Variants in IGSF21 observed in about 807,000 individuals in gnomAD.
The protein encoded by IGSF21 is immunoglobin superfamily member 21.
A neutral mutation model predicts 46.8 loss-of-function variants in IGSF21; 28 were observed. The ratio of observed to expected loss-of-function variants is 0.60; its 90% CI spans 0.44 to 0.82. The LOEUF is 0.82. Ranked by LOEUF, IGSF21 falls within the 40% of genes least tolerant of loss-of-function variation. The pLI, the probability that IGSF21 is intolerant of heterozygous loss-of-function variation, is 0.00. For synonymous variants in IGSF21, 284 were observed against 273.6 expected (o/e 1.04, Z -0.38); for missense variants, 624 against 665.5 (o/e 0.94, Z 0.69).
chr1:18,299,965 C>T (rs1389386791), intron 3 of IGSF21, among the ~76,000 whole-genome samples: 1 of 152,136 alleles, frequency 6.6e-6, no homozygotes, highest in Non-Finnish European at 1.5e-5. Flanking sequence ...GTGGCTCATG[C>T]CTGTAATCTA....
chr1:18,195,389 A>C (rs976712963), intron 1 of IGSF21, among the ~76,000 whole-genome samples: 1 of 152,148 alleles, frequency 6.6e-6, no homozygotes, highest in African/African-American at 2.4e-5. Context: ...AGGCATGGAG[A>C]CAGGTCAGTT....
intron 4 of IGSF21, among the ~76,000 whole-genome samples, chr1:18,357,887 G>A (rs2086037954): frequency 6.6e-6 from 1 of 152,156 alleles, no homozygotes; most frequent in Admixed American, 6.5e-5. Flanking sequence ...TAACAGCTCT[G>A]CTATGTCATC....
intron 2 of IGSF21, among the ~76,000 whole-genome samples, chr1:18,258,154 A>G (rs1163356380): frequency 6.6e-6 from 1 of 152,110 alleles, no homozygotes; most frequent in Non-Finnish European, 1.5e-5. Flanking sequence ...AAGGTGACCC[A>G]CCAAGGATAC....
chr1:18,195,128 G>A (rs2086994724), intron 1 of IGSF21, among the ~76,000 whole-genome samples: 1 of 152,180 alleles, frequency 6.6e-6, no homozygotes, highest in African/African-American at 2.4e-5. Flanking sequence ...TGAGATTTGG[G>A]TAGGGACACA....
At chr1:18,354,810 G>A (rs1303234011) in intron 4 of IGSF21, among the ~76,000 whole-genome samples, 1 of 152,214 alleles carries the variant, frequency 6.6e-6, no homozygotes, top group Non-Finnish European at 1.5e-5. Flanking sequence ...CAAGAGAGGG[G>A]CGTGGGCCAT....
intron 1 of IGSF21, among the ~76,000 whole-genome samples, chr1:18,134,461 C>T (rs1250670777): frequency 1.3e-5 from 2 of 152,192 alleles, no homozygotes; most frequent in African/African-American, 2.4e-5. Context: ...GATGCCAGCT[C>T]ATCTCCCTGG....
chr1:18,331,384 T>G (rs1281054267), intron 3 of IGSF21, among the ~76,000 whole-genome samples: 2 of 152,216 alleles, frequency 1.3e-5, no homozygotes, highest in East Asian at 3.9e-4. Context: ...TTGAGTTACT[T>G]CCCTTAGAAT....
chr1:18,122,698 A>G (rs2124409145), intron 1 of IGSF21, among the ~76,000 whole-genome samples: 1 of 146,642 alleles, frequency 6.8e-6, no homozygotes, highest in Non-Finnish European at 1.5e-5. Flanking sequence ...TCGGCTCACT[A>G]CAACCTCTGC....
chr1:18,193,610 T>C (rs1282930843), intron 1 of IGSF21, among the ~76,000 whole-genome samples: 1 of 152,168 alleles, frequency 6.6e-6, no homozygotes, highest in Non-Finnish European at 1.5e-5. Context: ...TTTTTCTGCC[T>C]GTTTTATATT....
Position 18,155,870 on chromosome 1 carries a change from C to T in IGSF21, c.70+47672C>T, listed in dbSNP as rs377544928. Among the ~76,000 whole-genome samples the T allele has an allele frequency of 1.2e-4, 19 of 152,318 alleles. No individual in the cohort carries two copies. The East Asian group carries it at 2.7e-3, about 22-fold the overall frequency. On this transcript the variant is annotated intron_variant, in intron 1 of 9. Coordinates refer to ENST00000251296, the MANE Select transcript of IGSF21 (RefSeq NM_032880.5). ...GCTCCCATCCCTGCGGGATCAAGAACGGGAAGCTAAGAAGTGTGGTCGGTC... is the reference window on the plus strand; with the variant it reads ...GCTCCCATCCCTGCGGGATCAAGAATGGGAAGCTAAGAAGTGTGGTCGGTC...
chr1:18,231,636 T>C (rs2084626583), intron 2 of IGSF21, among the ~76,000 whole-genome samples: 1 of 152,228 alleles, frequency 6.6e-6, no homozygotes, highest in South Asian at 2.1e-4. Flanking sequence ...TTAAAATTCA[T>C]TTCCTCAGTC....
chr1:18,366,989 A>T (rs928976834), intron 6 of IGSF21, among the ~76,000 whole-genome samples: 59 of 152,296 alleles, frequency 3.9e-4, no homozygotes, highest in African/African-American at 1.4e-3. Flanking sequence ...GATGGGCACG[A>T]TGACCTGTGC....
chr1:18,197,675 G>A (rs1205176069), intron 1 of IGSF21, among the ~76,000 whole-genome samples: 2 of 152,226 alleles, frequency 1.3e-5, no homozygotes, highest in Admixed American at 1.3e-4. Flanking sequence ...CAGCCTGTGG[G>A]TTCAAACCTT....
intron 1 of IGSF21, among the ~76,000 whole-genome samples, chr1:18,227,533 G>C (rs1375102295): frequency 1.3e-5 from 2 of 151,948 alleles, no homozygotes; most frequent in African/African-American, 4.8e-5. Flanking sequence ...TTGGGGCACA[G>C]AAGCCTTCTC....
intron 1 of IGSF21, among the ~76,000 whole-genome samples, chr1:18,152,510 G>A (rs1005561574): frequency 3.9e-5 from 6 of 152,238 alleles, no homozygotes; most frequent in Non-Finnish European, 8.8e-5. Flanking sequence ...TTTGGGTGCT[G>A]TGTAAGCCTA....
chr1:18,236,997 G>A (rs1333315732), intron 2 of IGSF21, among the ~76,000 whole-genome samples: 1 of 152,112 alleles, frequency 6.6e-6, no homozygotes, highest in Non-Finnish European at 1.5e-5. Flanking sequence ...AAAGAGTTTT[G>A]AGCTTGAACA....
chr1:18,372,735 T>C (rs1279102522), intron 6 of IGSF21, among the ~76,000 whole-genome samples: 3 of 151,124 alleles, frequency 2.0e-5, no homozygotes, highest in Non-Finnish European at 4.4e-5. Flanking sequence ...AGTGTTTAGA[T>C]GGATGAATGG....
chr1:18,254,343 C>T (rs2084869944), intron 2 of IGSF21, among the ~76,000 whole-genome samples: 1 of 146,270 alleles, frequency 6.8e-6, no homozygotes, highest in Non-Finnish European at 1.5e-5. Flanking sequence ...TATCTGAATA[C>T]AGCGAATGGC....
chr1:18,165,927 A>G (rs960935506), intron 1 of IGSF21, among the ~76,000 whole-genome samples: 1 of 152,200 alleles, frequency 6.6e-6, no homozygotes, highest in Non-Finnish European at 1.5e-5. Flanking sequence ...TTGCTAGCCA[A>G]TCAGGACAAA....
Sources: allele counts gnomAD v4.1 joint callset (sites outside exome capture counted in the v4.1 genomes callset), GRCh38; gene constraint gnomAD v4.1.1; transcripts MANE v1.5; gene names NCBI Gene and HGNC (gene_info 2026-07-23, HGNC 2026-07-21).